GRM3: variants seen among roughly 807,000 people sequenced by gnomAD.
The protein encoded by GRM3 is glutamate metabotropic receptor 3, also known as metabotropic glutamate receptor 3.
In GRM3, 26 loss-of-function variants were observed where a neutral mutation model predicts 70.5. The observed-to-expected ratio is 0.37, with a 90% CI of 0.27 to 0.51. GRM3 has a LOEUF of 0.51. GRM3 is among the 20% of genes least tolerant of loss of function. The probability of loss-of-function intolerance (pLI) is 0.93; values close to 1 mark genes in which losing one functional copy is unlikely to be tolerated. For missense variants in GRM3, 859 were observed against 1,123.8 expected (o/e 0.76, Z 3.37); for synonymous variants, 443 against 434.9 (o/e 1.02, Z -0.23).
chr7:86,675,521 C>T (rs932882070), intron 1 of GRM3, among the ~76,000 whole-genome samples: 5 of 151,978 alleles, frequency 3.3e-5, no homozygotes, highest in African/African-American at 1.2e-4. Flanking sequence ...AACACTAACA[C>T]AGAGAATAAA....
chr7:86,686,978 TG>T (rs977432192), intron 1 of GRM3, among the ~76,000 whole-genome samples: 5 of 151,894 alleles, frequency 3.3e-5, no homozygotes, highest in African/African-American at 1.2e-4. Context: ...ATTTAGTAGA[TG>T]GGTTTAATAA....
At chr7:86,798,218 CAGACCTG>C (rs961709109) in intron 3 of GRM3, among the ~76,000 whole-genome samples, 3 of 152,128 alleles carry the variant, frequency 2.0e-5, no homozygotes, top group African/African-American at 7.2e-5. Context: ...CACCATCCTC[CAGACCTG>C]AGGATGGTAG....
intron 1 of GRM3, among the ~76,000 whole-genome samples, chr7:86,746,341 T>TTTTATATATATATAAAATTATATA (rs1388333232): frequency 1.1e-5 from 1 of 87,486 alleles, no homozygotes; most frequent in South Asian, 4.3e-4. Context: ...CAGTCATGTA[T>TTTTATATATATATAAAATTATATA]TATATATATA....
intron 4 of GRM3, among the ~76,000 whole-genome samples, chr7:86,842,682 C>T (rs1798579503): frequency 6.6e-6 from 1 of 152,136 alleles, no homozygotes; most frequent in Non-Finnish European, 1.5e-5. Context: ...TACTTTGCCA[C>T]CCATTGTGAG....
intron 1 of GRM3, among the ~76,000 whole-genome samples, chr7:86,694,291 C>G (rs764044614): frequency 1.3e-5 from 2 of 151,590 alleles, no homozygotes; most frequent in Non-Finnish European, 2.9e-5. Context: ...TTTGGGAGGC[C>G]GAGGCGGGCA....
chr7:86,770,441 G>A (rs1361520603), intron 2 of GRM3, among the ~76,000 whole-genome samples: 1 of 152,030 alleles, frequency 6.6e-6, no homozygotes, highest in Non-Finnish European at 1.5e-5. Flanking sequence ...CTATCACATA[G>A]TATAACATGA....
chr7:86,712,010 C>T (rs1194179968), intron 1 of GRM3, among the ~76,000 whole-genome samples: 1 of 152,058 alleles, frequency 6.6e-6, no homozygotes, highest in Non-Finnish European at 1.5e-5. Context: ...TCCTACAAAA[C>T]CTGTTTCTAC....
At chr7:86,726,539 A>C (rs1313746097) in intron 1 of GRM3, among the ~76,000 whole-genome samples, 3 of 152,048 alleles carry the variant, frequency 2.0e-5, no homozygotes, top group African/African-American at 7.2e-5. Context: ...TCCTCTCCAA[A>C]TTCTTTTCTG....
intron 2 of GRM3, among the ~76,000 whole-genome samples, chr7:86,781,946 T>C (rs1797075578): frequency 6.6e-6 from 1 of 152,110 alleles, no homozygotes; most frequent in Admixed American, 6.5e-5. Flanking sequence ...CAATAACTTA[T>C]TAAAGTCATG....
At chr7:86,750,900 G>C (rs955459027) in intron 1 of GRM3, among the ~76,000 whole-genome samples, 1 of 152,014 alleles carries the variant, frequency 6.6e-6, no homozygotes, top group African/African-American at 2.4e-5. Flanking sequence ...GGATAGGGAG[G>C]ATAATTTAAA....
At chr7:86,646,013 G>C (rs1793460488) in intron 1 of GRM3, among the ~76,000 whole-genome samples, 1 of 70,002 alleles carries the variant, frequency 1.4e-5, no homozygotes, top group Non-Finnish European at 2.8e-5. Context: ...GGGTGGGGGG[G>C]GGTGGGAGGG....
At chr7:86,819,644 C>A (rs1798080539) in intron 3 of GRM3, among the ~76,000 whole-genome samples, 1 of 152,100 alleles carries the variant, frequency 6.6e-6, no homozygotes, top group Admixed American at 6.6e-5. Context: ...AGAATGGACT[C>A]GTGTCAAAAC....
At chr7:86,755,944 A>G (rs1324828011) in intron 1 of GRM3, among the ~76,000 whole-genome samples, 2 of 152,170 alleles carry the variant, frequency 1.3e-5, no homozygotes, top group Non-Finnish European at 2.9e-5. Flanking sequence ...GTCTAGACTT[A>G]CAGATTTTCT....
chr7:86,786,470 G>T lies in GRM3; in HGVS notation c.678G>T (p.Gly226=). Residue 226 remains glycine (G), a synonymous_variant, in exon 3 of 6, where the codon GGG becomes GGT. Transcript: ENST00000361669. This position sits in a 1 kb window ranked among gnomAD's most constrained non-coding sequence, Gnocchi z 6.0. ...CCGAGGGTGATTACGGGGAGACAGG[G>T]ATCGAGGCCTTCGAGCAGGAAGCCC... ...VASEGDYGET[G]IEAFEQEARL... is the part of the protein sequence containing the mutation. 1 of 1,614,248 alleles carries T rather than the reference G, an allele frequency of 6.2e-7. No individual in the cohort carries two copies. Among genetic ancestry groups the T allele is most frequent in the East Asian group, 2.2e-5 (1 of 44,892 alleles).
chr7:86,746,341 T>TTTTTTATATATATA (rs1388333232), intron 1 of GRM3, among the ~76,000 whole-genome samples: 21 of 87,446 alleles, frequency 2.4e-4, no homozygotes, highest in African/African-American at 7.1e-4. Flanking sequence ...CAGTCATGTA[T>TTTTTTATATATATA]TATATATATA....
intron 1 of GRM3, among the ~76,000 whole-genome samples, chr7:86,687,189 T>A (rs1048525903): frequency 6.6e-6 from 1 of 151,924 alleles, no homozygotes; most frequent in Non-Finnish European, 1.5e-5. Context: ...CATAAATGAT[T>A]GAAAAATACT....
At chr7:86,761,622 G>A (rs967388977) in intron 1 of GRM3, among the ~76,000 whole-genome samples, 1 of 152,062 alleles carries the variant, frequency 6.6e-6, no homozygotes, top group Non-Finnish European at 1.5e-5. Flanking sequence ...AGAAACATTC[G>A]TTGAATTCTT....
chr7:86,742,475 G>T (rs554441039), intron 1 of GRM3, among the ~76,000 whole-genome samples: 11 of 152,192 alleles, frequency 7.2e-5, no homozygotes, highest in Middle Eastern at 3.4e-3. Flanking sequence ...AGAGTGAAAA[G>T]GTCCTGAAAG....
intron 1 of GRM3, among the ~76,000 whole-genome samples, chr7:86,725,122 A>T (rs923835806): frequency 2.0e-5 from 3 of 152,112 alleles, no homozygotes; most frequent in Non-Finnish European, 4.4e-5. Context: ...CTTTAATTTC[A>T]TGGCTATAAC....
Sources: gnomAD v4.1 joint callset for allele counts (sites outside exome capture counted in the v4.1 genomes callset) on GRCh38, gnomAD v4.1.1 for gene constraint, Gnocchi (gnomAD v3.1) non-coding constraint, MANE v1.5 for transcripts, NCBI Gene and HGNC (gene_info 2026-07-23, HGNC 2026-07-21) for gene names.